Variants in TENM3 observed in about 807,000 individuals in gnomAD.
The protein encoded by TENM3 is teneurin transmembrane protein 3.
Under a neutral mutation model 255.1 loss-of-function variants are expected in TENM3, and 63 were observed. The observed-to-expected ratio is 0.25, with a 90% confidence interval of 0.20 to 0.30. The LOEUF (loss-of-function observed/expected upper bound fraction) is 0.30, where lower values mean the gene tolerates loss of function less well. Among genes scored for constraint, TENM3 ranks in the 10% least tolerant of loss-of-function variants. The pLI, the probability that TENM3 is intolerant of heterozygous loss-of-function variation, is 1.00. For missense variants in TENM3, 2,929 were observed against 3,461.1 expected (o/e 0.85, Z 3.86); for synonymous variants, 1,306 against 1,322.3 (o/e 0.99, Z 0.27).
intron 12 of TENM3, among the ~76,000 whole-genome samples, chr4:182,694,168 G>A (rs1757212958): frequency 6.6e-6 from 1 of 151,912 alleles, no homozygotes; most frequent in Admixed American, 6.6e-5. Flanking sequence ...GGACTGCGGT[G>A]ATACGGTCAC....
At chr4:182,711,162 TTTC>T (rs1332113499) in intron 12 of TENM3, among the ~76,000 whole-genome samples, 5 of 152,356 alleles carry the variant, frequency 3.3e-5, no homozygotes, top group African/African-American at 1.2e-4. Flanking sequence ...TCCATTTCTT[TTTC>T]TTCTTTTTGC....
chr4:182,048,300 T>C, the TENM3 span, among the ~76,000 whole-genome samples: 1 of 152,180 alleles, frequency 6.6e-6, no homozygotes, highest in South Asian at 2.1e-4. Context: ...CAAGTATAGG[T>C]GTGTATCAAA....
At chr4:181,799,665 A>T in the TENM3 span, among the ~76,000 whole-genome samples, 2 of 152,246 alleles carry the variant, frequency 1.3e-5, no homozygotes. Flanking sequence ...GAACAGAAAG[A>T]GGCTAGCGCA....
At chr4:181,756,173 C>A in the TENM3 span, among the ~76,000 whole-genome samples, 4 of 152,146 alleles carry the variant, frequency 2.6e-5, no homozygotes, top group Non-Finnish European at 4.4e-5. Flanking sequence ...TTGCTAATGT[C>A]TTTTCCCATA....
chr4:181,996,134 C>A, the TENM3 span, among the ~76,000 whole-genome samples: 2 of 144,798 alleles, frequency 1.4e-5, no homozygotes, highest in African/African-American at 5.2e-5. Context: ...CCAACTTCTA[C>A]TAGAGAAACC....
At chr4:182,408,098 T>C (rs1769710502) in intron 3 of TENM3, among the ~76,000 whole-genome samples, 1 of 152,166 alleles carries the variant, frequency 6.6e-6, no homozygotes, top group Non-Finnish European at 1.5e-5. Context: ...AAACTCTTCA[T>C]GGGAAAAAGG....
In TENM3 at chr4:182,455,947, C is replaced by T. The variant is rs540310535; in HGVS notation, c.511+109018C>T. Among the ~76,000 whole-genome samples, 3 of 152,308 alleles carry T rather than the reference C, an allele frequency of 2.0e-5. No individual in the cohort carries two copies. In the East Asian group the frequency reaches 5.8e-4, roughly 29 times the overall value. ...TTCTGTGAGCACTTAACACATTATC[C>T]TGTAGTCATTTGTTTACATTTCTGT... On this transcript the variant is annotated intron_variant, in intron 3 of 27. Coordinates refer to ENST00000511685, the MANE Select transcript of TENM3 (RefSeq NM_001080477.4).
chr4:182,265,263 G>C (rs958046824), intron 1 of TENM3, among the ~76,000 whole-genome samples: 2 of 152,088 alleles, frequency 1.3e-5, no homozygotes, highest in African/African-American at 4.8e-5. Flanking sequence ...ATACTTTAAG[G>C]GATGGCTAAT....
At chr4:181,698,078 G>A in the TENM3 span, among the ~76,000 whole-genome samples, 1 of 151,958 alleles carries the variant, frequency 6.6e-6, no homozygotes, top group Non-Finnish European at 1.5e-5. Context: ...GCTGGGTGTG[G>A]TGGCAGGCGC....
At chr4:182,429,853 G>A (rs1004016766) in intron 3 of TENM3, among the ~76,000 whole-genome samples, 2 of 152,214 alleles carry the variant, frequency 1.3e-5, no homozygotes, top group Admixed American at 1.3e-4. Context: ...GTTCAGCACT[G>A]TAATAGCTAT....
intron 1 of TENM3, among the ~76,000 whole-genome samples, chr4:182,158,333 C>A (rs1300553327): frequency 6.6e-6 from 1 of 152,210 alleles, no homozygotes; most frequent in East Asian, 1.9e-4. Flanking sequence ...AACAAGTCTG[C>A]AGCCTGGGTT....
chr4:182,760,422 G>C (rs1243554409), intron 22 of TENM3, among the ~76,000 whole-genome samples: 2 of 152,140 alleles, frequency 1.3e-5, no homozygotes, highest in Non-Finnish European at 2.9e-5. Flanking sequence ...TTCTCTGCTT[G>C]CTTACCCACA....
chr4:181,604,293 A>G, the TENM3 span, among the ~76,000 whole-genome samples: 3 of 152,176 alleles, frequency 2.0e-5, no homozygotes, highest in African/African-American at 7.2e-5. Context: ...AAAGAAAAAG[A>G]TATCTGAATG....
At chr4:182,763,638 A>G (rs1209087141) in intron 22 of TENM3, among the ~76,000 whole-genome samples, 2 of 152,228 alleles carry the variant, frequency 1.3e-5, no homozygotes, top group Non-Finnish European at 2.9e-5. Flanking sequence ...ACTCATTTAT[A>G]GAGGATGATG....
chr4:182,275,005 A>G (rs1359310696), intron 1 of TENM3, among the ~76,000 whole-genome samples: 3 of 151,960 alleles, frequency 2.0e-5, no homozygotes, highest in Non-Finnish European at 4.4e-5. Flanking sequence ...TTGTATTTTT[A>G]GTAGAGATGG....
chr4:181,601,494 C>T, the TENM3 span, among the ~76,000 whole-genome samples: 3 of 152,214 alleles, frequency 2.0e-5, no homozygotes, highest in South Asian at 4.2e-4. Flanking sequence ...TCATCAGCCC[C>T]CTGCATGCAC....
the TENM3 span, among the ~76,000 whole-genome samples, chr4:181,513,621 T>G: frequency 1.3e-5 from 2 of 152,176 alleles, no homozygotes; most frequent in African/African-American, 4.8e-5. Flanking sequence ...ATTGCAAACT[T>G]CTGGCCTAAT....
At chr4:181,639,335 C>T in the TENM3 span, among the ~76,000 whole-genome samples, 11 of 152,166 alleles carry the variant, frequency 7.2e-5, no homozygotes, top group Non-Finnish European at 1.6e-4. Flanking sequence ...CCCCTGAACC[C>T]TAGTTAGTTA....
At chr4:181,769,392 G>A in the TENM3 span, among the ~76,000 whole-genome samples, 1 of 152,148 alleles carries the variant, frequency 6.6e-6, no homozygotes, top group Non-Finnish European at 1.5e-5. Flanking sequence ...TCACTTACTA[G>A]GTGTTGACCT....
Sources: allele counts gnomAD v4.1 joint callset (sites outside exome capture counted in the v4.1 genomes callset), GRCh38; gene constraint gnomAD v4.1.1; transcripts MANE v1.5; gene names NCBI Gene and HGNC (gene_info 2026-07-23, HGNC 2026-07-21).